Variants in THSD7A observed in about 807,000 individuals in gnomAD.
The protein encoded by THSD7A is thrombospondin type 1 domain containing 7A, also known as thrombospondin type-1 domain-containing protein 7A.
A neutral mutation model predicts 231.3 loss-of-function variants in THSD7A; 96 were observed. The ratio of observed to expected loss-of-function variants is 0.41; its 90% confidence interval spans 0.35 to 0.49. THSD7A has a LOEUF of 0.49. THSD7A is among the 20% of genes least tolerant of loss of function. The pLI is 0.05. For missense variants in THSD7A, 2,290 were observed against 2,070.2 expected, an observed-to-expected ratio of 1.11 and a Z score of -2.06; for synonymous variants, 940 against 743.3, an observed-to-expected ratio of 1.26 and a Z score of -4.30.
At chr7:11,525,364 TA>T (rs1788428628) in intron 6 of THSD7A, among the ~76,000 whole-genome samples, 1 of 152,094 alleles carries the variant, frequency 6.6e-6, no homozygotes, top group Non-Finnish European at 1.5e-5. Flanking sequence ...AAATTGAAAA[TA>T]AATGAAGATC....
intron 4 of THSD7A, among the ~76,000 whole-genome samples, chr7:11,589,473 C>G (rs1404093031): frequency 6.6e-6 from 1 of 152,162 alleles, no homozygotes; most frequent in South Asian, 2.1e-4. Context: ...ATAAAGGGCT[C>G]TATTTCTACT....
chr7:11,669,010 C>T (rs1260425865), intron 1 of THSD7A, among the ~76,000 whole-genome samples: 2 of 152,112 alleles, frequency 1.3e-5, no homozygotes, highest in African/African-American at 4.8e-5. Context: ...TGGCTCTCAG[C>T]ATTTTTGCCT....
chr7:11,573,873 A>G lies in THSD7A; in HGVS notation c.1453+16587T>C, dbSNP rs1003280495. Among the ~76,000 whole-genome samples, 7 of 152,302 alleles carry G rather than the reference A, an allele frequency of 4.6e-5. 2 individuals carry two copies. Among genetic ancestry groups the G allele is most frequent in the Admixed American group, 1.3e-4 (2 of 15,300 alleles). On this transcript the variant is annotated intron_variant, in intron 4 of 27. Coordinates refer to ENST00000423059, the MANE Select transcript of THSD7A (RefSeq NM_015204.3). ...TTACTGAACACATTATGTGTCACCTATTCTGTTAATATCTTTCCCCTAAGT... is the reference window on the plus strand; with the variant it reads ...TTACTGAACACATTATGTGTCACCTGTTCTGTTAATATCTTTCCCCTAAGT...
At chr7:11,617,556 G>T (rs1003222070) in intron 2 of THSD7A, among the ~76,000 whole-genome samples, 11 of 152,130 alleles carry the variant, frequency 7.2e-5, no homozygotes, top group African/African-American at 2.7e-4. Flanking sequence ...ACCTAGGATA[G>T]ATAAATATAT....
Position 11,808,970 on chromosome 7 carries a change from A to C in THSD7A, c.190+22787T>G, listed in dbSNP as rs1465148471. On this transcript the variant is annotated intron_variant, in intron 1 of 27. Coordinates refer to ENST00000423059, the MANE Select transcript of THSD7A (RefSeq NM_015204.3). The stretch of plus-strand genomic sequence containing the variant: ...AATACATACCATTAAAATATATCAA[A>C]ATTTCTGGGAATATTTTGTAAAATA... Among the ~76,000 whole-genome samples the C allele has an allele frequency of 2.0e-5, 3 of 152,268 alleles. No homozygotes were observed. In the East Asian group the frequency reaches 5.8e-4, roughly 29 times the overall value.
At chr7:11,505,076 T>C (rs1227298796) in intron 6 of THSD7A, among the ~76,000 whole-genome samples, 1 of 152,160 alleles carries the variant, frequency 6.6e-6, no homozygotes, top group Non-Finnish European at 1.5e-5. Context: ...TTTGGTTCGG[T>C]AGGAAGTTAA....
At chr7:11,485,171 G>A (rs1015763090) in intron 6 of THSD7A, among the ~76,000 whole-genome samples, 21 of 152,012 alleles carry the variant, frequency 1.4e-4, no homozygotes, top group African/African-American at 4.6e-4. Flanking sequence ...TTACAGGCAT[G>A]AGCCACCGCA....
intron 6 of THSD7A, among the ~76,000 whole-genome samples, chr7:11,520,959 T>C (rs557432337): frequency 6.6e-6 from 1 of 152,326 alleles, no homozygotes; most frequent in South Asian, 2.1e-4. Context: ...TCTACAAATA[T>C]ACTGAAAGGT....
Position 11,764,521 on chromosome 7 carries a change from G to C in THSD7A, c.190+67236C>G, listed in dbSNP as rs1384525966. Among the ~76,000 whole-genome samples, 3 of 144,280 alleles carry C rather than the reference G, an allele frequency of 2.1e-5. No individual in the cohort carries two copies. In the East Asian group the frequency reaches 6.2e-4, roughly 30 times the overall value. The allele number at this position is 144,280 out of a possible 152,430, so 94.7% of individuals were successfully genotyped here. The stretch of plus-strand genomic sequence containing the variant: ...ATGTGAACCCAGGAGGCGGAGCCGA[G>C]ATAGCGCCACTGCAGTCCGGCCTGG... On this transcript the variant is annotated intron_variant, in intron 1 of 27. Coordinates refer to ENST00000423059, the MANE Select transcript of THSD7A (RefSeq NM_015204.3).
chr7:11,577,292 AG>A (rs58757955), intron 4 of THSD7A, among the ~76,000 whole-genome samples: 26,998 of 152,094 alleles, frequency 0.18, 2,491 homozygotes, highest in East Asian at 0.25. Context: ...ATAAAACAAT[AG>A]AAGTGTTTTC....
intron 1 of THSD7A, among the ~76,000 whole-genome samples, chr7:11,666,009 G>A (rs1783116582): frequency 6.6e-6 from 1 of 152,072 alleles, no homozygotes; most frequent in South Asian, 2.1e-4. Context: ...CTGGATAACG[G>A]TGACAGGTAA....
intron 6 of THSD7A, among the ~76,000 whole-genome samples, chr7:11,531,657 T>C (rs1331676606): frequency 6.6e-6 from 1 of 152,118 alleles, no homozygotes; most frequent in South Asian, 2.1e-4. Context: ...ATCAGCAGGA[T>C]TGAGGATTGA....
At chr7:11,532,568 G>T (rs912003582) in intron 6 of THSD7A, among the ~76,000 whole-genome samples, 2 of 152,104 alleles carry the variant, frequency 1.3e-5, no homozygotes, top group Non-Finnish European at 2.9e-5. Context: ...ATCTAGATCG[G>T]CAAAAGTAGG....
intron 1 of THSD7A, among the ~76,000 whole-genome samples, chr7:11,671,786 T>C (rs1235802869): frequency 6.6e-6 from 1 of 152,212 alleles, no homozygotes; most frequent in Non-Finnish European, 1.5e-5. Flanking sequence ...TGGAAACATG[T>C]AATCCAAACT....
intron 1 of THSD7A, among the ~76,000 whole-genome samples, chr7:11,816,715 A>G (rs1331435199): frequency 2.4e-5 from 3 of 125,178 alleles, no homozygotes; most frequent in South Asian, 2.8e-4. Flanking sequence ...CTTAATATAA[A>G]TTTTGTATAA....
At chr7:11,397,560 C>T (rs569852828) in intron 23 of THSD7A, among the ~76,000 whole-genome samples, 22 of 152,106 alleles carry the variant, frequency 1.4e-4, no homozygotes, top group South Asian at 4.2e-4. Context: ...AATTGACAAA[C>T]GGGATCTAAT....
chr7:11,695,045 T>C (rs1316981401), intron 1 of THSD7A, among the ~76,000 whole-genome samples: 1 of 151,516 alleles, frequency 6.6e-6, no homozygotes, highest in Non-Finnish European at 1.5e-5. Context: ...TCTTCATGTT[T>C]TACAATGAGA....
At chr7:11,407,445 A>G (rs545336399) in intron 19 of THSD7A, 22 bp from the exon 20 acceptor site, 1 of 1,578,418 alleles carries the variant, frequency 6.3e-7, no homozygotes, top group Non-Finnish European at 8.7e-7. Flanking sequence ...GAGGTAGATC[A>G]GGATGTATAT....
chr7:11,599,212 A>G (rs1275295789), intron 2 of THSD7A, among the ~76,000 whole-genome samples: 3 of 152,206 alleles, frequency 2.0e-5, no homozygotes, highest in Non-Finnish European at 4.4e-5. Context: ...ATTAAGGTCA[A>G]TGGGAAACTA....
Sources: allele counts gnomAD v4.1 joint callset (sites outside exome capture counted in the v4.1 genomes callset), GRCh38; gene constraint gnomAD v4.1.1; transcripts MANE v1.5; gene names NCBI Gene and HGNC (gene_info 2026-07-23, HGNC 2026-07-21).